Variants in AEBP2 observed in about 807,000 individuals in gnomAD.
The protein encoded by AEBP2 is zinc finger protein AEBP2.
A neutral mutation model predicts 50.8 loss-of-function variants in AEBP2; 10 were observed. The ratio of observed to expected loss-of-function variants is 0.20; its 90% CI spans 0.12 to 0.33. The LOEUF is 0.33. Among genes scored for constraint, AEBP2 ranks in the 10% least tolerant of loss-of-function variants. The pLI is 1.00. For missense variants in AEBP2, 570 were observed against 688.0 expected (o/e 0.83, Z 1.92); for synonymous variants, 296 against 261.3 (o/e 1.13, Z -1.28).
chr12:19,441,027 A>T (rs1359196876), intron 1 of AEBP2, among the ~76,000 whole-genome samples: 3 of 152,234 alleles, frequency 2.0e-5, no homozygotes, highest in Admixed American at 6.5e-5. Context: ...GGTTGTGGAA[A>T]AGAATAGTGA....
intron 4 of AEBP2, among the ~76,000 whole-genome samples, chr12:19,497,499 G>T (rs2120486769): frequency 6.6e-6 from 1 of 151,456 alleles, no homozygotes; most frequent in Non-Finnish European, 1.5e-5. Context: ...TTGAGACAAG[G>T]TCTCACTTTG....
At chr12:19,431,912 T>C (rs952535108) in intron 1 of AEBP2, among the ~76,000 whole-genome samples, 2 of 152,140 alleles carry the variant, frequency 1.3e-5, no homozygotes, top group African/African-American at 4.8e-5. Flanking sequence ...AAAATAAAAG[T>C]GCAAAATGTA....
intron 1 of AEBP2, among the ~76,000 whole-genome samples, chr12:19,406,696 A>T (rs539182963): frequency 2.8e-4 from 43 of 151,922 alleles, no homozygotes; most frequent in Admixed American, 9.2e-4. Flanking sequence ...AAAAAAAAAA[A>T]TTTTACTGAG....
chr12:19,435,702 G>A (rs73337314), upstream of AEBP2, among the ~76,000 whole-genome samples: 816 of 152,168 alleles, frequency 5.4e-3, 6 homozygotes, highest in African/African-American at 0.015. Flanking sequence ...AATTCTGTTC[G>A]CTCTTCAAAA....
At chr12:19,474,036 A>G (rs1282043315) in intron 3 of AEBP2, among the ~76,000 whole-genome samples, 3 of 152,138 alleles carry the variant, frequency 2.0e-5, no homozygotes, top group African/African-American at 2.4e-5. Flanking sequence ...AACATTGACT[A>G]TTATATAAAA....
At chr12:19,507,312 G>A (rs2120565005) in intron 5 of AEBP2, among the ~76,000 whole-genome samples, 1 of 152,238 alleles carries the variant, frequency 6.6e-6, no homozygotes, top group East Asian at 1.9e-4. Flanking sequence ...GCACTAACTT[G>A]CATATGCTTT....
chr12:19,462,593 C>T lies in AEBP2; in HGVS notation c.755C>T (p.Thr252Ile), dbSNP rs761350029. Reference protein sequence around the residue: ...TPAMMNGQGSTTSSSKNIAYN... With the variant: ...TPAMMNGQGSITSSSKNIAYN... ...GCAATGATGAATGGACAAGGAAGCA[C>T]TACTTCTTCAAGCAAAAATATTGCC... The change falls in exon 2 of 8, where the codon ACT becomes ATT. Residue 252 changes from threonine to isoleucine, a missense_variant. By Grantham distance (89) the Thr-to-Ile change is moderately conservative (BLOSUM62 -1). This residue lies in a region of AEBP2 where 184 missense variants were observed against 351.2 expected (regional missense o/e 0.52). Coordinates refer to ENST00000266508, the MANE Select transcript of AEBP2 (RefSeq NM_153207.5). 6.2e-7 allele frequency: 1 copy of T among 1,613,904 alleles called. No homozygotes were observed. The highest frequency in any genetic ancestry group is 8.5e-7 in the Non-Finnish European group (1 of 1,179,856).
intron 1 of AEBP2, among the ~76,000 whole-genome samples, chr12:19,409,236 C>T (rs954928109): frequency 1.3e-5 from 2 of 152,068 alleles, no homozygotes; most frequent in Non-Finnish European, 2.9e-5. Context: ...TGAGAGGTGG[C>T]TGCAAAATCA....
intron 3 of AEBP2, among the ~76,000 whole-genome samples, chr12:19,491,696 C>G (rs1948896340): frequency 6.6e-6 from 1 of 151,348 alleles, no homozygotes; most frequent in Non-Finnish European, 1.5e-5. Flanking sequence ...TTAATGGATA[C>G]CATATAAGAA....
intron 1 of AEBP2, among the ~76,000 whole-genome samples, chr12:19,419,614 A>G (rs1310602693): frequency 6.7e-6 from 1 of 149,400 alleles, no homozygotes; most frequent in Non-Finnish European, 1.5e-5. Context: ...AAAAAAAAAG[A>G]TGGGAAAAAC....
rs1949371004 is a variant in AEBP2, at chr12:19,519,658, T to G, written c.*1541T>G. On this transcript the variant is annotated 3_prime_UTR_variant, in exon 8 of 8. Transcript: ENST00000266508. ...AAAAACCAGCAGTTTTTACACTAAATTTTTTAAAGAAATATTAGACAAAAA... is the reference window on the plus strand; with the variant it reads ...AAAAACCAGCAGTTTTTACACTAAAGTTTTTAAAGAAATATTAGACAAAAA... 1 of 152,632 alleles carries G rather than the reference T, an allele frequency of 6.6e-6. No individual in the cohort carries two copies. Among genetic ancestry groups the G allele is most frequent in the Non-Finnish European group, 1.5e-5 (1 of 68,000 alleles). 9.5% of individuals were successfully genotyped at this position (152,632 alleles called of 1,614,324 possible). A position where few individuals can be genotyped will look rare whatever the true frequency, so the allele number is the denominator to read the frequency against.
At chr12:19,457,621 T>C in intron 1 of AEBP2, 1 of 1,464,616 alleles carries the variant, frequency 6.8e-7, no homozygotes, top group East Asian at 2.3e-5. Flanking sequence ...ATGACGACAA[T>C]GTGGATATGA....
chr12:19,411,287 A>C (rs1287142466), intron 1 of AEBP2, among the ~76,000 whole-genome samples: 1 of 152,214 alleles, frequency 6.6e-6, no homozygotes, highest in East Asian at 1.9e-4. Flanking sequence ...ACAACTATCC[A>C]GCTGATTTAC....
chr12:19,467,805 G>A (rs1948504742), intron 2 of AEBP2, among the ~76,000 whole-genome samples: 1 of 152,074 alleles, frequency 6.6e-6, no homozygotes, highest in South Asian at 2.1e-4. Flanking sequence ...CAGAGGTTTA[G>A]GTTTCTTGAT....
At chr12:19,493,348 C>T (rs1373902984) in intron 3 of AEBP2, among the ~76,000 whole-genome samples, 1 of 152,146 alleles carries the variant, frequency 6.6e-6, no homozygotes, top group Non-Finnish European at 1.5e-5. Flanking sequence ...TTGCAGTGAG[C>T]GGAGATCACA....
chr12:19,456,515 A>T (rs769094162), intron 1 of AEBP2: 32 of 1,518,908 alleles, frequency 2.1e-5, no homozygotes, highest in East Asian at 1.6e-4. Flanking sequence ...CCTTCAGCTC[A>T]GCAAACTTGC....
chr12:19,473,770 C>A (rs748215799), intron 3 of AEBP2, among the ~76,000 whole-genome samples: 1 of 152,034 alleles, frequency 6.6e-6, no homozygotes, highest in Admixed American at 6.6e-5. Context: ...AAAAGCTCCT[C>A]TAAATTTTTT....
At chr12:19,497,301 G>C (rs1465211214) in intron 4 of AEBP2, among the ~76,000 whole-genome samples, 1 of 102,034 alleles carries the variant, frequency 9.8e-6, no homozygotes, top group Admixed American at 9.5e-5. Flanking sequence ...TGGGAAAATA[G>C]TTTCTATTTT....
chr12:19,473,205 A>C lies in AEBP2; in HGVS notation c.880-43A>C, dbSNP rs765045716. The C allele has an allele frequency of 1.4e-5, 14 of 967,480 alleles. 1 individual carries two copies. The East Asian group carries it at 4.7e-4, about 32-fold the overall frequency. The allele number at this position is 967,480 out of a possible 1,614,324, so 59.9% of individuals were successfully genotyped here. On this transcript the variant is annotated intron_variant, in intron 2 of 7. Coordinates refer to ENST00000266508, the MANE Select transcript of AEBP2 (RefSeq NM_153207.5). ...TGTATGAGGAATCAAACTCTTCTTG[A>C]GATAAGTCATGAAAATTAATATGGT...
Sources: allele counts gnomAD v4.1 joint callset (sites outside exome capture counted in the v4.1 genomes callset), GRCh38; gene constraint gnomAD v4.1.1; regional missense constraint gnomAD v4.1.1; transcripts MANE v1.5; gene names NCBI Gene and HGNC (gene_info 2026-07-23, HGNC 2026-07-21).